SESN1: variants seen among roughly 807,000 people sequenced by gnomAD.
SESN1 encodes sestrin 1, also known as sestrin-1.
A neutral mutation model predicts 59.3 loss-of-function variants in SESN1; 30 were observed. The observed-to-expected ratio is 0.51, with a 90% CI of 0.38 to 0.69. The LOEUF is 0.69. SESN1 is among the 30% of genes least tolerant of loss of function. SESN1 has a pLI of 0.00. For missense variants in SESN1, 566 were observed against 673.0 expected, an observed-to-expected ratio of 0.84 and a Z score of 1.76; for synonymous variants, 197 against 219.9, an observed-to-expected ratio of 0.90 and a Z score of 0.92.
Position 109,094,149 on chromosome 6 carries a change from G to A in SESN1, c.-76C>T. 1 of 1,420,128 alleles carries A rather than the reference G, an allele frequency of 7.0e-7. No individual in the cohort carries two copies. The highest frequency in any genetic ancestry group is 9.5e-7 in the Non-Finnish European group (1 of 1,048,324). The allele number at this position is 1,420,128 out of a possible 1,614,324, so 88.0% of individuals were successfully genotyped here. A position where few individuals can be genotyped will look rare whatever the true frequency, so the allele number is the denominator to read the frequency against. ...AAAAATTGCTTTGTATTTTTAAAAT[G>A]AAAAATGTAAAAATAAAATCAGAGA... On this transcript the variant is annotated 5_prime_UTR_variant, in exon 1 of 10. Coordinates refer to ENST00000436639, the MANE Select transcript of SESN1 (RefSeq NM_014454.3).
At chr6:109,046,364 C>T (rs1369622638) in intron 1 of SESN1, among the ~76,000 whole-genome samples, 4 of 151,860 alleles carry the variant, frequency 2.6e-5, no homozygotes, top group South Asian at 4.2e-4. Flanking sequence ...GGATTGCAGA[C>T]GGAGTCTCGT....
rs373895777 is a variant in SESN1 at position 108,998,680 on chromosome 6, G to C, written c.805C>G (p.His269Asp). The change falls in exon 5 of 10, where the codon CAT (histidine) becomes GAT (aspartate). Residue 269 changes from histidine to aspartate, a missense_variant. By Grantham distance (81) the His-to-Asp change is moderately conservative. Transcript: ENST00000436639. Reference sequence around the variant, plus strand: ...CCGAATGTGAATGAGGCAAGAGAATGATAGTGTGTGAGTAAAACTACTGCA... The same window carrying C: ...CCGAATGTGAATGAGGCAAGAGAATCATAGTGTGTGAGTAAAACTACTGCA... ...VHAVVLLTHYHSLASFTFGCG... is the reference protein window; with the variant it reads ...VHAVVLLTHYDSLASFTFGCG... 6.2e-7 allele frequency: 1 copy of C among 1,613,822 alleles called. No individual in the cohort carries two copies. The highest frequency in any genetic ancestry group is 8.5e-7 in the Non-Finnish European group (1 of 1,179,794).
At chr6:109,061,603 C>T (rs1374689321) in intron 1 of SESN1, among the ~76,000 whole-genome samples, 1 of 151,916 alleles carries the variant, frequency 6.6e-6, no homozygotes, top group African/African-American at 2.4e-5. Context: ...CAGGAGTTCG[C>T]GACCAGCCTG....
At chr6:109,053,775 GA>G (rs1242294484) in intron 1 of SESN1, among the ~76,000 whole-genome samples, 4 of 152,244 alleles carry the variant, frequency 2.6e-5, no homozygotes, top group South Asian at 4.1e-4. Flanking sequence ...GAACTAGAAG[GA>G]CGAACACTCG....
At chr6:109,023,290 C>T (rs1780039406) in intron 1 of SESN1, among the ~76,000 whole-genome samples, 1 of 152,212 alleles carries the variant, frequency 6.6e-6, no homozygotes, top group Non-Finnish European at 1.5e-5. Context: ...CTCAGAGTTT[C>T]ATTAAGGACA....
intron 1 of SESN1, among the ~76,000 whole-genome samples, chr6:109,006,243 A>T (rs1367207306): frequency 6.6e-6 from 1 of 152,202 alleles, no homozygotes; most frequent in Non-Finnish European, 1.5e-5. Context: ...TTAATCTATG[A>T]AGCAGGTACT....
intron 1 of SESN1, among the ~76,000 whole-genome samples, chr6:109,055,909 T>C (rs1352843388): frequency 6.6e-6 from 1 of 152,176 alleles, no homozygotes; most frequent in East Asian, 1.9e-4. Flanking sequence ...AAAACTGGCA[T>C]TGGGTATAGT....
At chr6:109,056,359 G>C (rs1389280383) in intron 1 of SESN1, among the ~76,000 whole-genome samples, 1 of 152,070 alleles carries the variant, frequency 6.6e-6, no homozygotes, top group South Asian at 2.1e-4. Context: ...AGCCATAATC[G>C]TGCCACTGCA....
At chr6:108,987,703 G>A (rs1779236477) in intron 9 of SESN1, 73 bp from the exon 10 acceptor site, 6 of 791,878 alleles carry the variant, frequency 7.6e-6, no homozygotes, top group South Asian at 1.5e-5. Flanking sequence ...TGAATCTAAT[G>A]AACACATAAA....
intron 5 of SESN1, among the ~76,000 whole-genome samples, chr6:108,995,239 A>G (rs1779480474): frequency 1.3e-5 from 2 of 152,226 alleles, no homozygotes; most frequent in African/African-American, 2.4e-5. Flanking sequence ...ACTGCGTAAG[A>G]TAACTTCTAC....
chr6:109,068,568 T>G (rs1186147935), intron 1 of SESN1, among the ~76,000 whole-genome samples: 1 of 152,084 alleles, frequency 6.6e-6, no homozygotes, highest in African/African-American at 2.4e-5. Flanking sequence ...ACTTAACTAT[T>G]GGTCAAAAAA....
chr6:109,060,032 C>A (rs1780706245), intron 1 of SESN1, among the ~76,000 whole-genome samples: 1 of 151,996 alleles, frequency 6.6e-6, no homozygotes, highest in South Asian at 2.1e-4. Flanking sequence ...TAGTTCTCAG[C>A]CTGAAAGCAC....
intron 1 of SESN1, among the ~76,000 whole-genome samples, chr6:109,030,646 G>T (rs1263762574): frequency 6.6e-6 from 1 of 152,174 alleles, no homozygotes; most frequent in East Asian, 1.9e-4. Flanking sequence ...GAATCTTCAA[G>T]ATTCTAAGGT....
intron 1 of SESN1, chr6:109,009,309 GC>G: frequency 1.4e-6 from 2 of 1,427,344 alleles, no homozygotes; most frequent in South Asian, 1.4e-5. Flanking sequence ...TCGGCCGGGT[GC>G]CCACCCGCCC....
At chr6:109,075,844 A>C (rs980976519) in intron 1 of SESN1, among the ~76,000 whole-genome samples, 1 of 152,184 alleles carries the variant, frequency 6.6e-6, no homozygotes, top group Non-Finnish European at 1.5e-5. Flanking sequence ...TAAAAAAATA[A>C]AAGCTCCTCA....
At chr6:109,040,758 T>C (rs1367579106) in intron 1 of SESN1, among the ~76,000 whole-genome samples, 1 of 151,788 alleles carries the variant, frequency 6.6e-6, no homozygotes, top group Non-Finnish European at 1.5e-5. Context: ...GTTCAAGCGA[T>C]TCTCCCGCCT....
chr6:109,046,702 C>T lies in SESN1; in HGVS notation c.280-44359G>A, dbSNP rs1477074988. Among the ~76,000 whole-genome samples the T allele has an allele frequency of 2.1e-3, 281 of 135,622 alleles. 6 individuals are homozygous for T. The highest frequency in any genetic ancestry group is 3.4e-3 in the Non-Finnish European group (209 of 61,342). The allele number at this position is 135,622 out of a possible 152,430, so 89.0% of individuals were successfully genotyped here. Reference sequence around the variant, plus strand: ...GGAGCGTCTCTGCCCGGCCGCCCATCGTCTGAGATGTGGGGAGCGCCTCTG... The same window carrying T: ...GGAGCGTCTCTGCCCGGCCGCCCATTGTCTGAGATGTGGGGAGCGCCTCTG... On this transcript the variant is annotated intron_variant, in intron 1 of 9. Coordinates refer to ENST00000436639, the MANE Select transcript of SESN1 (RefSeq NM_014454.3).
rs550430666 is a variant in SESN1, at chr6:108,992,308, G to A, written c.1233+479C>T. On this transcript the variant is annotated intron_variant, in intron 7 of 9. Coordinates refer to ENST00000436639, the MANE Select transcript of SESN1 (RefSeq NM_014454.3). ...TTTTTATTTTTTTTGTGGAGACAGG[G>A]TTTCCCCTTGTTGGCCAGGCTGGTC... is the stretch of plus-strand genomic sequence containing the variant. 1.7e-3 allele frequency among the ~76,000 whole-genome samples: 255 copies of A among 152,020 alleles called. 12 individuals carry two copies. The South Asian group carries it at 0.051, about 30-fold the overall frequency.
chr6:109,038,032 A>G (rs1163260843), intron 1 of SESN1, among the ~76,000 whole-genome samples: 1 of 152,236 alleles, frequency 6.6e-6, no homozygotes, highest in Non-Finnish European at 1.5e-5. Context: ...TCATGTCTAT[A>G]TGAGTATTCT....
Sources: allele counts gnomAD v4.1 joint callset (sites outside exome capture counted in the v4.1 genomes callset), GRCh38; gene constraint gnomAD v4.1.1; transcripts MANE v1.5; gene names NCBI Gene and HGNC (gene_info 2026-07-23, HGNC 2026-07-21).